C1QTNF3: variants seen among roughly 807,000 people sequenced by gnomAD.
C1QTNF3 encodes the protein C1q and TNF related 3, also known as complement C1q tumor necrosis factor-related protein 3.
In C1QTNF3, 26 loss-of-function variants were observed where a neutral mutation model predicts 32.6. The observed-to-expected ratio is 0.80, with a 90% confidence interval of 0.58 to 1.11. The LOEUF (loss-of-function observed/expected upper bound fraction) is 1.11. Among genes scored for constraint, C1QTNF3 ranks in the 50% least tolerant of loss-of-function variants. C1QTNF3 has a pLI of 0.00. For synonymous variants in C1QTNF3, 155 were observed against 146.0 expected (o/e 1.06, Z -0.44); for missense variants, 362 against 398.2 (o/e 0.91, Z 0.77).
chr5:34,196,891 A>G, the C1QTNF3 span, among the ~76,000 whole-genome samples: 1 of 152,290 alleles, frequency 6.6e-6, no homozygotes, highest in Admixed American at 6.5e-5. Flanking sequence ...CGATCTCCTG[A>G]CCTAATGATC....
the C1QTNF3 span, among the ~76,000 whole-genome samples, chr5:34,116,073 C>T: frequency 2.6e-5 from 4 of 152,062 alleles, no homozygotes; most frequent in East Asian, 1.9e-4. Flanking sequence ...TTTATATGTA[C>T]ATTATATTCA....
At chr5:34,209,486 T>C in the C1QTNF3 span, among the ~76,000 whole-genome samples, 1 of 151,000 alleles carries the variant, frequency 6.6e-6, no homozygotes, top group Admixed American at 6.6e-5. Flanking sequence ...GAAAATATTG[T>C]TGAAAATATT....
chr5:34,241,930 CGGAAGGGAGGAA>C, the C1QTNF3 span, among the ~76,000 whole-genome samples: 1 of 66,196 alleles, frequency 1.5e-5, no homozygotes, highest in East Asian at 4.9e-4. Context: ...GAAGGATGGA[CGGAAGGGAGGAA>C]GGGAGGGAGG....
the C1QTNF3 span, among the ~76,000 whole-genome samples, chr5:34,072,713 C>G: frequency 6.6e-6 from 1 of 152,134 alleles, no homozygotes; most frequent in Non-Finnish European, 1.5e-5. Flanking sequence ...ATCAAATGTA[C>G]AAGTCCTGGT....
chr5:34,026,405 G>C (rs77442371), intron 4 of C1QTNF3, among the ~76,000 whole-genome samples: 6,879 of 147,460 alleles, frequency 0.047, 235 homozygotes, highest in Non-Finnish European at 0.071. Context: ...GCTAGATACA[G>C]TGTAGGATGT....
the C1QTNF3 span, among the ~76,000 whole-genome samples, chr5:34,054,467 T>A: frequency 6.6e-6 from 1 of 152,354 alleles, no homozygotes; most frequent in African/African-American, 2.4e-5. Flanking sequence ...TACTCAGGTC[T>A]GCCACTGTAG....
the C1QTNF3 span, among the ~76,000 whole-genome samples, chr5:34,135,368 C>T: frequency 1.3e-5 from 2 of 152,014 alleles, no homozygotes; most frequent in Admixed American, 1.3e-4. Flanking sequence ...GGATATTGGT[C>T]TAAAATTCTC....
At chr5:34,040,310 G>A (rs1165936476) in intron 1 of C1QTNF3, among the ~76,000 whole-genome samples, 1 of 152,146 alleles carries the variant, frequency 6.6e-6, no homozygotes, top group African/African-American at 2.4e-5. Flanking sequence ...TGGAGGCCTA[G>A]GGGTAGGGAT....
the C1QTNF3 span, among the ~76,000 whole-genome samples, chr5:34,070,549 T>G: frequency 6.6e-6 from 1 of 152,276 alleles, no homozygotes; most frequent in African/African-American, 2.4e-5. Flanking sequence ...ATAAAAAGAT[T>G]TGCAAATAGC....
chr5:34,098,472 C>T, the C1QTNF3 span, among the ~76,000 whole-genome samples: 14 of 152,144 alleles, frequency 9.2e-5, no homozygotes, highest in African/African-American at 2.9e-4. Context: ...GCTGGGCCTG[C>T]GGAGGAAACA....
At chr5:34,123,341 C>T in the C1QTNF3 span, among the ~76,000 whole-genome samples, 84 of 152,236 alleles carry the variant, frequency 5.5e-4, no homozygotes, top group East Asian at 0.01. Flanking sequence ...TATGAATGCA[C>T]ATACATACAT....
the C1QTNF3 span, among the ~76,000 whole-genome samples, chr5:34,230,013 C>G: frequency 6.6e-6 from 1 of 152,122 alleles, no homozygotes; most frequent in Non-Finnish European, 1.5e-5. Flanking sequence ...AGAAGGAGGC[C>G]ATCTACTAAC....
chr5:34,069,531 T>C, the C1QTNF3 span, among the ~76,000 whole-genome samples: 1 of 152,318 alleles, frequency 6.6e-6, no homozygotes, highest in African/African-American at 2.4e-5. Context: ...AAAGAAAATC[T>C]GTCCACTGAC....
chr5:34,227,602 G>A, the C1QTNF3 span, among the ~76,000 whole-genome samples: 99 of 151,798 alleles, frequency 6.5e-4, no homozygotes, highest in African/African-American at 1.3e-3. Context: ...ACATATGAGC[G>A]GACCCGCACA....
the C1QTNF3 span, among the ~76,000 whole-genome samples, chr5:34,073,333 A>C: frequency 6.6e-6 from 1 of 152,208 alleles, no homozygotes; most frequent in Admixed American, 6.5e-5. Flanking sequence ...TCTCAAAAAA[A>C]AAAAAAAAAG....
the C1QTNF3 span, among the ~76,000 whole-genome samples, chr5:34,145,176 T>C: frequency 3.9e-5 from 6 of 151,948 alleles, no homozygotes; most frequent in East Asian, 1.9e-4. Context: ...AAGAACTATA[T>C]GTAATTGAGG....
chr5:34,073,965 CA>C, the C1QTNF3 span, among the ~76,000 whole-genome samples: 3 of 152,264 alleles, frequency 2.0e-5, no homozygotes, highest in East Asian at 3.9e-4. Flanking sequence ...CTCATTCAAT[CA>C]TTTTTTTGAT....
At chr5:34,154,394 C>T in the C1QTNF3 span, among the ~76,000 whole-genome samples, 4 of 152,120 alleles carry the variant, frequency 2.6e-5, no homozygotes, top group South Asian at 4.2e-4. Flanking sequence ...GTGGGTAATA[C>T]CCATTTATTT....
chr5:34,118,968 C>T, the C1QTNF3 span, among the ~76,000 whole-genome samples: 2 of 151,852 alleles, frequency 1.3e-5, no homozygotes, highest in African/African-American at 4.8e-5. Flanking sequence ...TTTGTATATA[C>T]ATTACCAACA....
Sources: allele counts gnomAD v4.1 joint callset (sites outside exome capture counted in the v4.1 genomes callset), GRCh38; gene constraint gnomAD v4.1.1; transcripts MANE v1.5; gene names NCBI Gene and HGNC (gene_info 2026-07-23, HGNC 2026-07-21).